ARHGAP39: variants seen among roughly 807,000 people sequenced by gnomAD.
ARHGAP39 encodes the protein rho GTPase-activating protein 39.
ARHGAP39 carries 44 observed loss-of-function variants against 106.9 expected under a neutral mutation model. That is an observed-to-expected ratio of 0.41 (90% CI 0.32 to 0.53). The LOEUF (loss-of-function observed/expected upper bound fraction) is 0.53, where lower values mean the gene tolerates loss of function less well. ARHGAP39 is among the 20% of genes least tolerant of loss of function. ARHGAP39 has a pLI of 0.21. For missense variants in ARHGAP39, 1,496 were observed against 1,577.3 expected, an observed-to-expected ratio of 0.95 and a Z score of 0.87; for synonymous variants, 768 against 693.2, an observed-to-expected ratio of 1.11 and a Z score of -1.69.
chr8:144,585,429 A>G lies in ARHGAP39; in HGVS notation c.81-4152T>C, dbSNP rs1209428252. Among the ~76,000 whole-genome samples the G allele has an allele frequency of 1.3e-5, 2 of 150,474 alleles. No homozygotes were observed. The highest frequency in any genetic ancestry group is 4.9e-5 in the African/African-American group (2 of 40,750). On this transcript the variant is annotated intron_variant, in intron 2 of 11. Coordinates refer to ENST00000377307, the MANE Select transcript of ARHGAP39 (RefSeq NM_025251.3). The surrounding 1 kb of genome is among the most constrained non-coding windows in gnomAD (Gnocchi z 4.6). The stretch of plus-strand genomic sequence containing the variant: ...CTGGAGGGGCCAGCCAGGGGTACCC[A>G]GCACCGGCTCACCGAGAACCTGGAG...
At chr8:144,627,299 T>C (rs1271512249) in intron 1 of ARHGAP39, among the ~76,000 whole-genome samples, 1 of 152,172 alleles carries the variant, frequency 6.6e-6, no homozygotes, top group East Asian at 1.9e-4. Flanking sequence ...CTCATGCCTG[T>C]AATCCCAGCA....
intron 3 of ARHGAP39, among the ~76,000 whole-genome samples, chr8:144,559,457 C>T (rs1818065522): frequency 6.6e-6 from 1 of 150,652 alleles, no homozygotes; most frequent in Non-Finnish European, 1.5e-5. Flanking sequence ...AAGTATTGAC[C>T]CAAATATATA....
At position 144,645,037 on chromosome 8, in the gene ARHGAP39, G is replaced by A. The variant is rs1821407682; in HGVS notation, c.-81-39342C>T. On this transcript the variant is annotated intron_variant, in intron 1 of 11. Transcript: ENST00000377307. The surrounding 1 kb of genome is among the most constrained non-coding windows in gnomAD (Gnocchi z 4.4). The stretch of plus-strand genomic sequence containing the variant: ...CGCTGGGCCACGGCAGAGAGCACAT[G>A]TCAACCGCAGTCCCCGTGTTATCCA... Among the ~76,000 whole-genome samples the A allele has an allele frequency of 6.6e-6, 1 of 152,240 alleles. No individual in the cohort carries two copies. Among genetic ancestry groups the A allele is most frequent in the Non-Finnish European group, 1.5e-5 (1 of 68,054 alleles).
At chr8:144,678,879 G>A (rs2129756116) in intron 1 of ARHGAP39, among the ~76,000 whole-genome samples, 1 of 152,288 alleles carries the variant, frequency 6.6e-6, no homozygotes, top group African/African-American at 2.4e-5. Flanking sequence ...AGTGGCTCAA[G>A]GCTGGGGCAG....
At chr8:144,534,082 C>T (rs374564400) in intron 8 of ARHGAP39, 47 bp downstream of exon 8, 1 of 1,601,718 alleles carries the variant, frequency 6.2e-7, no homozygotes, top group Non-Finnish European at 8.5e-7. Flanking sequence ...CACCAAGGGT[C>T]TCTGTGTCCC....
At chr8:144,588,400 C>T (rs1819262533) in intron 2 of ARHGAP39, among the ~76,000 whole-genome samples, 2 of 152,266 alleles carry the variant, frequency 1.3e-5, no homozygotes, top group African/African-American at 4.8e-5. Context: ...TCGAACACTT[C>T]TCTGCACACA....
At chr8:144,681,988 G>A (rs1239916865) in intron 1 of ARHGAP39, among the ~76,000 whole-genome samples, 2 of 152,212 alleles carry the variant, frequency 1.3e-5, no homozygotes, top group Admixed American at 1.3e-4. Context: ...TTACTTCTCG[G>A]CCGGGTGCGG....
intron 1 of ARHGAP39, among the ~76,000 whole-genome samples, chr8:144,639,917 A>G (rs761409211): frequency 1.3e-5 from 2 of 152,210 alleles, no homozygotes; most frequent in Non-Finnish European, 2.9e-5. Flanking sequence ...GCTTTGTCTT[A>G]GGAAACTGGT....
At chr8:144,532,273 C>T (rs781653120) in intron 10 of ARHGAP39, 32 bp downstream of exon 10, 2 of 1,606,498 alleles carry the variant, frequency 1.2e-6, no homozygotes, top group Admixed American at 3.3e-5. Flanking sequence ...TGAGCCAGGC[C>T]CGCTCTGCTG....
At chr8:144,612,813 A>G (rs892442489) in intron 1 of ARHGAP39, among the ~76,000 whole-genome samples, 13 of 150,356 alleles carry the variant, frequency 8.6e-5, no homozygotes, top group South Asian at 4.3e-4. Context: ...CGGCTGCACC[A>G]CTGCACTCCA....
At chr8:144,545,097 G>GC (rs747186019) in intron 6 of ARHGAP39, 152 bp downstream of exon 6, 53 of 661,856 alleles carry the variant, frequency 8.0e-5, no homozygotes, top group Non-Finnish European at 1.2e-4. Flanking sequence ...TCCAGCAGAG[G>GC]CCCAGAGTGT....
chr8:144,581,283 G>C lies in ARHGAP39; in HGVS notation c.81-6C>G. On this transcript the variant is annotated splice_polypyrimidine_tract_variant and splice_region_variant and intron_variant, in intron 2 of 11. Coordinates refer to ENST00000377307, the MANE Select transcript of ARHGAP39 (RefSeq NM_025251.3). ...TGATCTCCACCCACTCCAACCTGGG[G>C]AGAGACAGGGTTAAGGCGGCTGGAG... The C allele has an allele frequency of 1.9e-6, 3 of 1,540,348 alleles. No homozygotes were observed. In the East Asian group the frequency reaches 7.3e-5, roughly 38 times the overall value.
In ARHGAP39 at chr8:144,645,762, T is replaced by G. The variant is rs185267047; in HGVS notation, c.-82+39924A>C. On this transcript the variant is annotated intron_variant, in intron 1 of 11. Coordinates refer to ENST00000377307, the MANE Select transcript of ARHGAP39 (RefSeq NM_025251.3). This position sits in a 1 kb window ranked among gnomAD's most constrained non-coding sequence, Gnocchi z 4.4. ...ACACCTTGGATGGCAGAGGTTTATT[T>G]TGTGTGGAATCCCAACACTAAGGAA... Among the ~76,000 whole-genome samples, 2 of 152,232 alleles carry G rather than the reference T, an allele frequency of 1.3e-5. No individual in the cohort carries two copies. Among genetic ancestry groups the G allele is most frequent in the Non-Finnish European group, 2.9e-5 (2 of 68,036 alleles).
intron 3 of ARHGAP39, among the ~76,000 whole-genome samples, chr8:144,562,165 C>T (rs1242506009): frequency 1.3e-5 from 2 of 149,864 alleles, no homozygotes; most frequent in Admixed American, 1.3e-4. Flanking sequence ...CCATCAGACC[C>T]CAGTGCTTTC....
chr8:144,532,790 G>T (rs116419142), intron 9 of ARHGAP39, among the ~76,000 whole-genome samples: 1,571 of 152,318 alleles, frequency 0.01, 31 homozygotes, highest in African/African-American at 0.036. Context: ...TGCCATCCCT[G>T]TTCACAGACA....
Position 144,684,364 on chromosome 8 carries a change from G to C in ARHGAP39, c.-82+1322C>G, listed in dbSNP as rs1412677788. Among the ~76,000 whole-genome samples, 1 of 152,204 alleles carries C rather than the reference G, an allele frequency of 6.6e-6. No homozygotes were observed. Among genetic ancestry groups the C allele is most frequent in the East Asian group, 1.9e-4 (1 of 5,200 alleles). ...TCGGGCGCCGCCGACGGAACCACCT[G>C]CTGTCTATAGAGGGCACCTAGGACG... On this transcript the variant is annotated intron_variant, in intron 1 of 11. Transcript: ENST00000377307. This position sits in a 1 kb window ranked among gnomAD's most constrained non-coding sequence, Gnocchi z 4.4.
chr8:144,537,243 G>T (rs1031787728), intron 7 of ARHGAP39, among the ~76,000 whole-genome samples: 2 of 152,096 alleles, frequency 1.3e-5, no homozygotes, highest in Non-Finnish European at 2.9e-5. Flanking sequence ...GCTGTGCTAG[G>T]GGCCCACCAT....
At chr8:144,657,212 AT>A (rs1821719206) in intron 1 of ARHGAP39, among the ~76,000 whole-genome samples, 1 of 152,120 alleles carries the variant, frequency 6.6e-6, no homozygotes, top group African/African-American at 2.4e-5. Flanking sequence ...TCTGAAAAAA[AT>A]AAATAAAATA....
chr8:144,690,482 T>G (rs192731927), upstream of ARHGAP39, among the ~76,000 whole-genome samples: 622 of 145,648 alleles, frequency 4.3e-3, 3 homozygotes, highest in Non-Finnish European at 3.0e-3. Flanking sequence ...TTAATTTCTG[T>G]TTTTTTTTTA....
Sources: allele counts gnomAD v4.1 joint callset (sites outside exome capture counted in the v4.1 genomes callset), GRCh38; gene constraint gnomAD v4.1.1; non-coding constraint Gnocchi (gnomAD v3.1); transcripts MANE v1.5; gene names NCBI Gene and HGNC (gene_info 2026-07-23, HGNC 2026-07-21).